CMTR1: variants seen among roughly 807,000 people sequenced by gnomAD.
The protein encoded by CMTR1 is cap methyltransferase 1, also known as cap-specific mRNA (nucleoside-2'-O-)-methyltransferase 1.
A neutral mutation model predicts 107.0 loss-of-function variants in CMTR1; 39 were observed. That is an observed-to-expected ratio of 0.36 (90% CI 0.28 to 0.48). The LOEUF (loss-of-function observed/expected upper bound fraction) is 0.48, where lower values mean the gene tolerates loss of function less well. Among genes scored for constraint, CMTR1 ranks in the 20% least tolerant of loss-of-function variants. CMTR1 has a pLI of 0.99. For synonymous variants in CMTR1, 366 were observed against 379.5 expected (o/e 0.96, Z 0.41); for missense variants, 672 against 1,064.9 (o/e 0.63, Z 5.14).
intron 8 of CMTR1, among the ~76,000 whole-genome samples, chr6:37,454,136 T>C (rs1377922908): frequency 1.3e-5 from 2 of 152,254 alleles, no homozygotes; most frequent in Non-Finnish European, 2.9e-5. Context: ...AAAGCATTTT[T>C]ACCCGGTCCT....
upstream of CMTR1, among the ~76,000 whole-genome samples, chr6:37,432,081 G>A (rs527765212): frequency 8.1e-4 from 123 of 152,266 alleles, no homozygotes; most frequent in African/African-American, 2.9e-3. Context: ...GCCTCCCCAC[G>A]TGCTGGGATT....
intron 8 of CMTR1, among the ~76,000 whole-genome samples, chr6:37,455,330 T>C (rs964732596): frequency 6.6e-6 from 1 of 152,314 alleles, no homozygotes; most frequent in African/African-American, 2.4e-5. Context: ...CCGCCTGCCT[T>C]GGCCTCCCAA....
In CMTR1 at chr6:37,458,405, G is replaced by T. The variant is rs1006082986; in HGVS notation, c.778-207G>T. 2.0e-5 allele frequency among the ~76,000 whole-genome samples: 3 copies of T among 152,124 alleles called. No individual in the cohort carries two copies. The highest frequency in any genetic ancestry group is 2.0e-4 in the Admixed American group (3 of 15,272). Reference sequence around the variant, plus strand: ...CTGAGCTAGGCCTGGTGATGTGATAGGCATTGTGGGTATTTTGAGGGTGGG... The same window carrying T: ...CTGAGCTAGGCCTGGTGATGTGATATGCATTGTGGGTATTTTGAGGGTGGG... On this transcript the variant is annotated intron_variant, in intron 8 of 23. Coordinates refer to ENST00000373451, the MANE Select transcript of CMTR1 (RefSeq NM_015050.3). This position sits in a 1 kb window ranked among gnomAD's most constrained non-coding sequence, Gnocchi z 4.7.
chr6:37,476,758 A>G (rs1466693640), intron 20 of CMTR1, among the ~76,000 whole-genome samples: 1 of 152,242 alleles, frequency 6.6e-6, no homozygotes, highest in East Asian at 1.9e-4. Context: ...GTTATTGCCA[A>G]AGGGCACTGC....
intron 18 of CMTR1, 119 bp downstream of exon 18, chr6:37,474,765 G>T (rs948228246): frequency 1.9e-5 from 28 of 1,467,422 alleles, no homozygotes; most frequent in Non-Finnish European, 2.5e-5. Context: ...CAGGGCCCAG[G>T]GCTGGGGTAA....
rs995723955 is a variant in CMTR1 at position 37,480,796 on chromosome 6, C to CT, written c.*652dup. 4.5e-6 allele frequency: 5 copies of CT among 1,115,974 alleles called. No individual in the cohort carries two copies. The highest frequency in any genetic ancestry group is 4.4e-6 in the Non-Finnish European group (4 of 906,114). The allele number at this position is 1,115,974 out of a possible 1,614,324, so 69.1% of individuals were successfully genotyped here. On this transcript the variant is annotated 3_prime_UTR_variant, in exon 24 of 24. Coordinates refer to ENST00000373451, the MANE Select transcript of CMTR1 (RefSeq NM_015050.3). ...GGGAAGGAGGGAGTTTGGGCAAACT[C>CT]TCATCCCTGATACCACATTGAGATC...
At chr6:37,463,109 C>T (rs1244616519) in intron 13 of CMTR1, 101 bp downstream of exon 13, 21 of 1,267,362 alleles carry the variant, frequency 1.7e-5, no homozygotes, top group Non-Finnish European at 2.2e-5. Context: ...TTTGTCAACC[C>T]TGACAAATTG....
rs542833926 is a variant in CMTR1 at position 37,453,281 on chromosome 6, G to T, written c.746G>T (p.Arg249Leu). ...GCTAACATGGATTTTGTATTTGATC[G>T]CATGTTCACAAATCCGCGGGACTCT... ...KMANMDFVFD[R>L]MFTNPRDSYG... The change falls in exon 8 of 24, where the codon CGC (arginine) becomes CTC (leucine). Residue 249 changes from arginine (R) to leucine (L), a missense_variant. Transcript: ENST00000373451. 3 of 1,614,120 alleles carry T rather than the reference G, an allele frequency of 1.9e-6. No individual in the cohort carries two copies. The highest frequency in any genetic ancestry group is 1.1e-5 in the South Asian group (1 of 91,080).
At chr6:37,455,354 C>A (rs1401202247) in intron 8 of CMTR1, among the ~76,000 whole-genome samples, 1 of 152,194 alleles carries the variant, frequency 6.6e-6, no homozygotes, top group East Asian at 1.9e-4. Context: ...GTTGGGATTG[C>A]ACGCGTGAGC....
intron 8 of CMTR1, among the ~76,000 whole-genome samples, chr6:37,456,518 A>C (rs922074708): frequency 1.3e-5 from 2 of 152,102 alleles, no homozygotes; most frequent in African/African-American, 4.8e-5. Flanking sequence ...AGAAAGGCCC[A>C]CCTCACCTAG....
chr6:37,433,645 T>C (rs1456529526), intron 1 of CMTR1, among the ~76,000 whole-genome samples: 1 of 152,224 alleles, frequency 6.6e-6, no homozygotes, highest in Non-Finnish European at 1.5e-5. Flanking sequence ...AGCTTATCTC[T>C]TCTCTCTGTG....
At chr6:37,435,017 C>T (rs1318061813) in intron 1 of CMTR1, among the ~76,000 whole-genome samples, 1 of 152,190 alleles carries the variant, frequency 6.6e-6, no homozygotes, top group East Asian at 1.9e-4. Context: ...CTTTCCCGCT[C>T]TTGTGTTTCC....
Position 37,478,466 on chromosome 6 carries a change from G to T in CMTR1, c.2211G>T (p.Gly737=), listed in dbSNP as rs1476449234. ...GCACCCCAAAGCTCAGCTACACAGGGCGTGATGACCGGCACTTTGTACCCA... is the reference window on the plus strand; with the variant it reads ...GCACCCCAAAGCTCAGCTACACAGGTCGTGATGACCGGCACTTTGTACCCA... ...SSGTPKLSYT[G]RDDRHFVPMG... The change falls in exon 22 of 24, where the codon GGG becomes GGT. Residue 737 remains glycine (G), a synonymous_variant. Transcript: ENST00000373451. 6.2e-7 allele frequency: 1 copy of T among 1,614,120 alleles called. No homozygotes were observed. The highest frequency in any genetic ancestry group is 1.3e-5 in the African/African-American group (1 of 75,026).
rs186333918 is a variant in CMTR1 at position 37,481,129 on chromosome 6, A to G, written c.*984A>G. 1.6e-4 allele frequency: 210 copies of G among 1,302,466 alleles called. 2 individuals carry two copies. In the East Asian group the frequency reaches 3.4e-3, roughly 21 times the overall value. 80.7% of individuals were successfully genotyped at this position (1,302,466 alleles called of 1,614,324 possible). ...TTTTTCTTCCCTAATAGGAGGTACAATCTGCTTTTGTTTGTCGTTAAGTGG... is the reference window on the plus strand; with the variant it reads ...TTTTTCTTCCCTAATAGGAGGTACAGTCTGCTTTTGTTTGTCGTTAAGTGG... On this transcript the variant is annotated 3_prime_UTR_variant, in exon 24 of 24. Transcript: ENST00000373451.
At chr6:37,430,490 T>C (rs1771347328), upstream of CMTR1, among the ~76,000 whole-genome samples, 1 of 152,128 alleles carries the variant, frequency 6.6e-6, no homozygotes. Flanking sequence ...GGTTTGATTA[T>C]TCAATGTCTT....
chr6:37,431,793 T>A (rs6925640), upstream of CMTR1, among the ~76,000 whole-genome samples: 5,687 of 152,218 alleles, frequency 0.037, 328 homozygotes, highest in African/African-American at 0.13. Context: ...GCTGAACTCT[T>A]AAGAGACATG....
intron 2 of CMTR1, among the ~76,000 whole-genome samples, chr6:37,441,831 T>C (rs1027808808): frequency 2.0e-5 from 3 of 152,196 alleles, no homozygotes; most frequent in Non-Finnish European, 2.9e-5. Context: ...CTTAGTGGTC[T>C]GGGTTTTCTG....
chr6:37,450,135 C>T (rs1266327226), intron 4 of CMTR1, 116 bp from the exon 5 acceptor site: 19 of 810,426 alleles, frequency 2.3e-5, no homozygotes, highest in Non-Finnish European at 3.2e-5. Context: ...CAGCAACCTG[C>T]ACCCTTCTCG....
upstream of CMTR1, among the ~76,000 whole-genome samples, chr6:37,431,631 G>C (rs1347336228): frequency 1.3e-5 from 2 of 152,164 alleles, no homozygotes; most frequent in Non-Finnish European, 2.9e-5. Context: ...TTTGATAGTG[G>C]AAGGACAGAG....
Sources: allele counts gnomAD v4.1 joint callset (sites outside exome capture counted in the v4.1 genomes callset), GRCh38; gene constraint gnomAD v4.1.1; non-coding constraint Gnocchi (gnomAD v3.1); transcripts MANE v1.5; gene names NCBI Gene and HGNC (gene_info 2026-07-23, HGNC 2026-07-21).